Variants in ANK3 observed in about 807,000 individuals in gnomAD.
ANK3 encodes the protein ankyrin-3.
A neutral mutation model predicts 370.9 loss-of-function variants in ANK3; 57 were observed. That is an observed-to-expected ratio of 0.15 (90% confidence interval 0.12 to 0.19). The LOEUF (loss-of-function observed/expected upper bound fraction) is 0.19. ANK3 is among the 10% of genes least tolerant of loss of function. ANK3 has a pLI of 1.00. For synonymous variants in ANK3, 1,929 were observed against 1,946.3 expected (o/e 0.99, Z 0.23); for missense variants, 4,439 against 5,302.1 (o/e 0.84, Z 5.06).
intron 2 of ANK3, among the ~76,000 whole-genome samples, chr10:60,585,951 G>C (rs1330660050): frequency 6.6e-6 from 1 of 152,100 alleles, no homozygotes; most frequent in African/African-American, 2.4e-5. Context: ...TTGAACCCCA[G>C]AGGCAGAGGT....
chr10:60,288,619 T>C (rs1593110602), intron 1 of ANK3, among the ~76,000 whole-genome samples: 1 of 152,108 alleles, frequency 6.6e-6, no homozygotes, highest in East Asian at 1.9e-4. Flanking sequence ...ATAGACAGTC[T>C]CTATGCAAAG....
rs941010454 is a variant in ANK3, at chr10:60,045,659, T to G, written c.13066-2900A>C. Among the ~76,000 whole-genome samples the G allele has an allele frequency of 3.3e-5, 5 of 152,224 alleles. No homozygotes were observed. The South Asian group carries it at 6.2e-4, about 19-fold the overall frequency. On this transcript the variant is annotated intron_variant, in intron 42 of 43. Coordinates refer to ENST00000280772, the MANE Select transcript of ANK3 (RefSeq NM_020987.5). ...GCTTGGCAGTGTACAGATGTGGTTTTGTTTTGTTTTAGGGAAAATGGCCAA... is the reference window on the plus strand; with the variant it reads ...GCTTGGCAGTGTACAGATGTGGTTTGGTTTTGTTTTAGGGAAAATGGCCAA...
rs1567004658 is a variant in ANK3 at position 60,395,610 on chromosome 10, C to CTTTT, written c.97-115972_97-115971insAAAA. ...TTTCTTTCTTTCTTTCTTTCTTTCT[C>CTTTT]TCTTTCGTTCTCTCTCTCTCTCTCT... On this transcript the variant is annotated intron_variant, in intron 2 of 43. Transcript: ENST00000373827. 3.8e-3 allele frequency among the ~76,000 whole-genome samples: 325 copies of CTTTT among 85,050 alleles called. 4 individuals are homozygous for CTTTT. The highest frequency in any genetic ancestry group is 0.015 in the African/African-American group (309 of 19,968). The allele number at this position is 85,050 out of a possible 152,430, so 55.8% of individuals were successfully genotyped here. A position where few individuals can be genotyped will look rare whatever the true frequency, so the allele number is the denominator to read the frequency against.
rs1445284668 is a variant in ANK3 at position 60,580,112 on chromosome 10, AC to A, written c.96+35073del. Among the ~76,000 whole-genome samples, 32 of 152,246 alleles carry A rather than the reference AC, an allele frequency of 2.1e-4. No homozygotes were observed. The Middle Eastern group carries it at 0.014, about 65-fold the overall frequency. On this transcript the variant is annotated intron_variant, in intron 2 of 43. Transcript: ENST00000373827. ...TTTGCATTTCTTTGGCTGGTAGAAC[AC>A]TCTTCATATTTCTTCACATTCTTCA... is the stretch of plus-strand genomic sequence containing the variant.
intron 42 of ANK3, chr10:60,051,634 G>C: frequency 6.7e-6 from 3 of 450,692 alleles, no homozygotes; most frequent in Non-Finnish European, 8.7e-6. Flanking sequence ...GGGAAATCAA[G>C]AAAGAATTAC....
chr10:60,364,907 G>T (rs2059184488), intron 1 of ANK3, among the ~76,000 whole-genome samples: 1 of 150,360 alleles, frequency 6.7e-6, no homozygotes, highest in Non-Finnish European at 1.5e-5. Flanking sequence ...TTTCCAAAGG[G>T]TAAAGACAAC....
intron 16 of ANK3, among the ~76,000 whole-genome samples, chr10:60,190,424 A>G (rs2096455877): frequency 6.7e-6 from 1 of 149,602 alleles, no homozygotes; most frequent in Non-Finnish European, 1.5e-5. Context: ...TAGTGAAAAC[A>G]AACAAACAAA....
At position 60,696,746 on chromosome 10, in the gene ANK3, C is replaced by T. The variant is rs1296472799; in HGVS notation, c.57+36517G>A. Among the ~76,000 whole-genome samples, 20 of 147,656 alleles carry T rather than the reference C, an allele frequency of 1.4e-4. No individual in the cohort carries two copies. The East Asian group carries it at 1.9e-3, about 14-fold the overall frequency. ...CTCAATAAATTAGGTATTGATGGGA[C>T]GTATTTCAAAATAATAAGAGCTATC... On this transcript the variant is annotated intron_variant, in intron 1 of 43. Coordinates refer to the ANK3 transcript ENST00000373827.
Position 60,529,778 on chromosome 10 carries a change from CT to C in ANK3, c.96+85407del, listed in dbSNP as rs542112489. 6.1e-4 allele frequency among the ~76,000 whole-genome samples: 93 copies of C among 152,296 alleles called. 1 individual carries two copies. The highest frequency in any genetic ancestry group is 2.0e-3 in the African/African-American group (85 of 41,586). On this transcript the variant is annotated intron_variant, in intron 2 of 43. Coordinates refer to the ANK3 transcript ENST00000373827. ...CATTTAGACATTACATTAACACCAT[CT>C]ATAGGCAACCCCCAATCATCTTACT...
At chr10:60,239,255 T>C (rs2097383363) in intron 7 of ANK3, among the ~76,000 whole-genome samples, 1 of 151,554 alleles carries the variant, frequency 6.6e-6, no homozygotes, top group South Asian at 2.1e-4. Context: ...TTTCTTGGAG[T>C]GATGAAAGGC....
At chr10:60,362,815 G>A (rs1404548205) in intron 1 of ANK3, among the ~76,000 whole-genome samples, 1 of 152,096 alleles carries the variant, frequency 6.6e-6, no homozygotes, top group Non-Finnish European at 1.5e-5. Flanking sequence ...CGCCCAGAGA[G>A]CACACTCAGT....
chr10:60,660,651 G>A (rs938359022), intron 1 of ANK3, among the ~76,000 whole-genome samples: 1 of 152,096 alleles, frequency 6.6e-6, no homozygotes, highest in African/African-American at 2.4e-5. Context: ...AAATGCGATG[G>A]AATAGGGAAA....
intron 2 of ANK3, among the ~76,000 whole-genome samples, chr10:60,549,310 T>A (rs72822813): frequency 6.6e-6 from 1 of 152,156 alleles, no homozygotes; most frequent in Non-Finnish European, 1.5e-5. Context: ...ATAATTAATA[T>A]TTGGCTTACT....
intron 2 of ANK3, among the ~76,000 whole-genome samples, chr10:60,433,304 G>T (rs1307042839): frequency 6.6e-6 from 1 of 152,176 alleles, no homozygotes; most frequent in East Asian, 1.9e-4. Context: ...ATTTCACTTG[G>T]TAAGAACTTG....
At chr10:60,236,965 A>G (rs2097343081) in intron 7 of ANK3, among the ~76,000 whole-genome samples, 1 of 152,216 alleles carries the variant, frequency 6.6e-6, no homozygotes, top group African/African-American at 2.4e-5. Flanking sequence ...GTGTTTCTAA[A>G]ACTTTATTTA....
Position 60,170,943 on chromosome 10 carries a change from G to A in ANK3, c.2478+1365C>T, listed in dbSNP as rs115411887. On this transcript the variant is annotated intron_variant, in intron 21 of 43. Transcript: ENST00000280772. ...CAAGTCTTTTAACATTGAAATAGAA[G>A]TATTAATATTATATATTTACTGCAA... Among the ~76,000 whole-genome samples, 1,469 of 152,150 alleles carry A rather than the reference G, an allele frequency of 9.7e-3. 20 individuals carry two copies. The highest frequency in any genetic ancestry group is 0.033 in the African/African-American group (1,372 of 41,496).
chr10:60,163,212 A>G (rs1347990944), intron 23 of ANK3, among the ~76,000 whole-genome samples: 3 of 152,148 alleles, frequency 2.0e-5, no homozygotes, highest in Non-Finnish European at 4.4e-5. Flanking sequence ...AACTAGCACT[A>G]CAATCAAGAT....
chr10:60,033,535 A>C (rs967918935), intron 43 of ANK3, among the ~76,000 whole-genome samples: 2 of 148,928 alleles, frequency 1.3e-5, no homozygotes, highest in African/African-American at 2.5e-5. Flanking sequence ...AAAAAAAAAA[A>C]AAAACTTGGA....
intron 10 of ANK3, among the ~76,000 whole-genome samples, chr10:60,207,767 G>A (rs961610272): frequency 6.6e-6 from 1 of 152,082 alleles, no homozygotes; most frequent in African/African-American, 2.4e-5. Flanking sequence ...GGCCACCTTA[G>A]TCTTTTTATA....
Sources: gnomAD v4.1 joint callset for allele counts (sites outside exome capture counted in the v4.1 genomes callset) on GRCh38, gnomAD v4.1.1 for gene constraint, MANE v1.5 for transcripts, NCBI Gene and HGNC (gene_info 2026-07-23, HGNC 2026-07-21) for gene names.